LGR5: variants seen among roughly 807,000 people sequenced by gnomAD.
The protein encoded by LGR5 is leucine-rich repeat-containing G protein-coupled receptor 5.
LGR5 carries 54 observed loss-of-function variants against 76.7 expected under a neutral mutation model. That is an observed-to-expected ratio of 0.70 (90% CI 0.57 to 0.88). The LOEUF (loss-of-function observed/expected upper bound fraction) is 0.88. Among genes scored for constraint, LGR5 ranks in the 40% least tolerant of loss-of-function variants. The pLI, the probability that LGR5 is intolerant of heterozygous loss-of-function variation, is 0.00. For synonymous variants in LGR5, 406 were observed against 421.9 expected (o/e 0.96, Z 0.46); for missense variants, 1,078 against 1,073.3 (o/e 1.00, Z -0.06).
At position 71,584,913 on chromosome 12, in the gene LGR5, T is replaced by C; in HGVS notation, c.*179T>C. On this transcript the variant is annotated 3_prime_UTR_variant, in exon 18 of 18. Transcript: ENST00000266674. Reference sequence around the variant, plus strand: ...CTTGATACTTGAGAGTGAATATAAGTCTAAATGCTGCTTTGTATAATTTGT... The same window carrying C: ...CTTGATACTTGAGAGTGAATATAAGCCTAAATGCTGCTTTGTATAATTTGT... 1.6e-6 allele frequency: 1 copy of C among 611,740 alleles called. No homozygotes were observed. The highest frequency in any genetic ancestry group is 2.8e-6 in the Non-Finnish European group (1 of 352,416). The allele number at this position is 611,740 out of a possible 1,614,324, so 37.9% of individuals were successfully genotyped here. A position where few individuals can be genotyped will look rare whatever the true frequency, so the allele number is the denominator to read the frequency against.
chr12:71,482,701 C>A (rs1873661428), intron 1 of LGR5, among the ~76,000 whole-genome samples: 1 of 152,050 alleles, frequency 6.6e-6, no homozygotes, highest in Non-Finnish European at 1.5e-5. Context: ...GCTGCTAAAC[C>A]CCCCACAATC....
chr12:71,475,390 C>T (rs1873283924), intron 1 of LGR5, among the ~76,000 whole-genome samples: 1 of 152,176 alleles, frequency 6.6e-6, no homozygotes, highest in Admixed American at 6.5e-5. Context: ...TGTCATTTCC[C>T]TGCTTAAAGT....
intron 6 of LGR5, among the ~76,000 whole-genome samples, chr12:71,558,633 C>A (rs957089407): frequency 1.3e-5 from 2 of 152,180 alleles, no homozygotes; most frequent in African/African-American, 4.8e-5. Flanking sequence ...AAGTAGGAAC[C>A]TTGATTCATG....
Position 71,566,428 on chromosome 12 carries a change from G to A in LGR5, c.882G>A (p.Gln294=), listed in dbSNP as rs1797372. The A allele has an allele frequency of 0.97, 1,548,228 of 1,602,668 alleles. 752,821 individuals are homozygous for A. Among genetic ancestry groups the A allele is most frequent in the East Asian group, 0.99 (44,342 of 44,754 alleles). Reference sequence around the variant, plus strand: ...GACATTTCTATGACAATCCCATCCAGTTTGTTGGGAGATCTGCTTTTCAAC... The same window carrying A: ...GACATTTCTATGACAATCCCATCCAATTTGTTGGGAGATCTGCTTTTCAAC... The part of the protein sequence containing the change: ...ITIHFYDNPI[Q]FVGRSAFQHL... Residue 294 remains glutamine, a synonymous_variant, in exon 9 of 18, where the codon CAG becomes CAA. Transcript: ENST00000266674.
At chr12:71,552,085 C>T (rs1417439046) in intron 4 of LGR5, among the ~76,000 whole-genome samples, 1 of 149,968 alleles carries the variant, frequency 6.7e-6, no homozygotes, top group East Asian at 2.0e-4. Flanking sequence ...GGCCTGTCGG[C>T]AGGTGGGGGG....
chr12:71,582,452 G>A lies in LGR5; in HGVS notation c.1553-4G>A. 1 of 1,613,408 alleles carries A rather than the reference G, an allele frequency of 6.2e-7. No individual in the cohort carries two copies. The highest frequency in any genetic ancestry group is 8.5e-7 in the Non-Finnish European group (1 of 1,179,362). On this transcript the variant is annotated splice_polypyrimidine_tract_variant and splice_region_variant and intron_variant, in intron 16 of 17. Coordinates refer to ENST00000266674, the MANE Select transcript of LGR5 (RefSeq NM_003667.4). ...TAATCATTCCAGGACTTCTTGTGCT[G>A]CAGATGAACGTGACCTTGAAGATTT...
intron 2 of LGR5, among the ~76,000 whole-genome samples, chr12:71,505,364 A>T (rs1385440061): frequency 6.6e-6 from 1 of 152,248 alleles, no homozygotes; most frequent in Non-Finnish European, 1.5e-5. Context: ...TAAATCAAAA[A>T]TCTGCATTTA....
At chr12:71,566,762 G>C in intron 10 of LGR5, 62 bp downstream of exon 10, 2 of 1,566,362 alleles carry the variant, frequency 1.3e-6, no homozygotes, top group East Asian at 4.5e-5. Flanking sequence ...AGCTTGATCA[G>C]TCTTAACATC....
At chr12:71,474,970 GA>G (rs1264778414) in intron 1 of LGR5, among the ~76,000 whole-genome samples, 1 of 152,148 alleles carries the variant, frequency 6.6e-6, no homozygotes, top group Non-Finnish European at 1.5e-5. Flanking sequence ...AAAGACAGAT[GA>G]TATTAGGAAA....
intron 7 of LGR5, among the ~76,000 whole-genome samples, chr12:71,560,543 G>A (rs1419398227): frequency 2.0e-5 from 3 of 152,156 alleles, no homozygotes; most frequent in Non-Finnish European, 2.9e-5. Flanking sequence ...TGTAATCCCC[G>A]TGCTTTGGGA....
chr12:71,573,757 A>AAT (rs1215323099), intron 13 of LGR5, among the ~76,000 whole-genome samples: 1 of 152,064 alleles, frequency 6.6e-6, no homozygotes, highest in Non-Finnish European at 1.5e-5. Flanking sequence ...AAAGACTTTA[A>AAT]ATTTACTTTT....
At chr12:71,487,484 A>G (rs978334116) in intron 1 of LGR5, among the ~76,000 whole-genome samples, 1 of 152,152 alleles carries the variant, frequency 6.6e-6, no homozygotes, top group African/African-American at 2.4e-5. Flanking sequence ...GCATAATCAT[A>G]GCTCACTGCG....
At position 71,511,253 on chromosome 12, in the gene LGR5, A is replaced by G. The variant is rs1290638367; in HGVS notation, c.284+6568A>G. Reference sequence around the variant, plus strand: ...CTCTTTTGCCTTTGATTGCTAGACCAATGGTTCTCAATATATTGTCCCTGG... The same window carrying G: ...CTCTTTTGCCTTTGATTGCTAGACCGATGGTTCTCAATATATTGTCCCTGG... On this transcript the variant is annotated intron_variant, in intron 2 of 17. Transcript: ENST00000266674. Among the ~76,000 whole-genome samples the G allele has an allele frequency of 2.0e-5, 3 of 152,192 alleles. No homozygotes were observed. The East Asian group carries it at 5.8e-4, about 29-fold the overall frequency.
At chr12:71,515,757 G>A (rs1875404286) in intron 2 of LGR5, among the ~76,000 whole-genome samples, 3 of 152,138 alleles carry the variant, frequency 2.0e-5, no homozygotes, top group Admixed American at 2.0e-4. Flanking sequence ...AAATAAAGCG[G>A]CAATTTCTAG....
intron 1 of LGR5, among the ~76,000 whole-genome samples, chr12:71,462,698 C>T (rs1438185636): frequency 2.0e-5 from 3 of 152,130 alleles, no homozygotes; most frequent in Non-Finnish European, 4.4e-5. Flanking sequence ...TCACTCTTCC[C>T]ATTGCCCCTC....
chr12:71,497,919 A>C (rs527358468), intron 1 of LGR5, among the ~76,000 whole-genome samples: 37 of 152,318 alleles, frequency 2.4e-4, no homozygotes, highest in African/African-American at 2.4e-5. Flanking sequence ...CCAAATCTCA[A>C]CTATGGCTGA....
At chr12:71,476,485 A>C (rs1200733101) in intron 1 of LGR5, among the ~76,000 whole-genome samples, 1 of 152,164 alleles carries the variant, frequency 6.6e-6, no homozygotes, top group Non-Finnish European at 1.5e-5. Flanking sequence ...GGTCAAGGGC[A>C]GTGGGATTTG....
At chr12:71,478,195 C>T (rs990921767) in intron 1 of LGR5, among the ~76,000 whole-genome samples, 5 of 152,084 alleles carry the variant, frequency 3.3e-5, no homozygotes, top group South Asian at 2.1e-4. Context: ...CACTTTGTAA[C>T]TTATTAACCA....
At chr12:71,566,578 A>C in intron 9 of LGR5, 54 bp from the exon 10 acceptor site, 1 of 1,550,934 alleles carries the variant, frequency 6.4e-7, no homozygotes, top group Non-Finnish European at 8.9e-7. Context: ...GGCAATAAAA[A>C]TTACCCCTGT....
Sources: gnomAD v4.1 joint callset for allele counts (sites outside exome capture counted in the v4.1 genomes callset) on GRCh38, gnomAD v4.1.1 for gene constraint, MANE v1.5 for transcripts, NCBI Gene and HGNC (gene_info 2026-07-23, HGNC 2026-07-21) for gene names.